Variants in ST6GALNAC5 observed in about 807,000 individuals in gnomAD.
ST6GALNAC5 encodes the protein ST6 N-acetylgalactosaminide alpha-2,6-sialyltransferase 5.
A neutral mutation model predicts 33.6 loss-of-function variants in ST6GALNAC5; 27 were observed. That is an observed-to-expected ratio of 0.80 (90% confidence interval 0.59 to 1.11). The LOEUF is 1.11. ST6GALNAC5 is among the 50% of genes least tolerant of loss of function. The probability of loss-of-function intolerance (pLI) is 0.00; values close to 1 mark genes in which losing one functional copy is unlikely to be tolerated. For missense variants in ST6GALNAC5, 428 were observed against 454.0 expected (o/e 0.94, Z 0.52); for synonymous variants, 194 against 171.2 (o/e 1.13, Z -1.04).
chr1:76,944,863 G>T (rs950000874), intron 2 of ST6GALNAC5, among the ~76,000 whole-genome samples: 1 of 151,924 alleles, frequency 6.6e-6, no homozygotes, highest in Non-Finnish European at 1.5e-5. Context: ...TTTCTGCTCA[G>T]AATTCAACTG....
At chr1:76,875,988 G>C (rs1185076226) in intron 2 of ST6GALNAC5, among the ~76,000 whole-genome samples, 1 of 152,208 alleles carries the variant, frequency 6.6e-6, no homozygotes, top group Non-Finnish European at 1.5e-5. Context: ...TAGCTGTAAA[G>C]CAAGTGCCTT....
chr1:76,916,083 T>C (rs979927508), intron 2 of ST6GALNAC5, among the ~76,000 whole-genome samples: 3 of 152,166 alleles, frequency 2.0e-5, no homozygotes, highest in East Asian at 3.9e-4. Context: ...TTGTAGTTCA[T>C]AGTTTTTAGG....
At chr1:77,050,858 G>T (rs984792463) in intron 4 of ST6GALNAC5, among the ~76,000 whole-genome samples, 2 of 152,240 alleles carry the variant, frequency 1.3e-5, no homozygotes, top group Non-Finnish European at 2.9e-5. Flanking sequence ...ATTTTGAGGT[G>T]TCACTTTAAA....
chr1:77,023,320 A>G (rs1173283939), intron 2 of ST6GALNAC5, among the ~76,000 whole-genome samples: 1 of 152,220 alleles, frequency 6.6e-6, no homozygotes, highest in Non-Finnish European at 1.5e-5. Flanking sequence ...TTTCCATATA[A>G]CAAACTAAAA....
intron 2 of ST6GALNAC5, among the ~76,000 whole-genome samples, chr1:76,982,899 T>C (rs1649316463): frequency 6.6e-6 from 1 of 152,050 alleles, no homozygotes; most frequent in Non-Finnish European, 1.5e-5. Flanking sequence ...AGATTTCATA[T>C]CCAGCCAAAC....
chr1:76,979,849 T>C (rs1428322854), intron 2 of ST6GALNAC5, among the ~76,000 whole-genome samples: 3 of 152,056 alleles, frequency 2.0e-5, no homozygotes, highest in Admixed American at 6.6e-5. Context: ...ATCAGAGGCA[T>C]GATAATCACT....
chr1:76,951,024 G>A (rs1360841292), intron 2 of ST6GALNAC5, among the ~76,000 whole-genome samples: 2 of 152,008 alleles, frequency 1.3e-5, no homozygotes, highest in Non-Finnish European at 2.9e-5. Context: ...TGTAAACCTG[G>A]TATCTAAACT....
intron 2 of ST6GALNAC5, among the ~76,000 whole-genome samples, chr1:77,031,368 G>A (rs1250344332): frequency 6.6e-6 from 1 of 152,146 alleles, no homozygotes; most frequent in Non-Finnish European, 1.5e-5. Context: ...GCTGATGACC[G>A]TTCTTCCACT....
intron 2 of ST6GALNAC5, among the ~76,000 whole-genome samples, chr1:77,026,791 CTGAATGAATGAA>C (rs58272106): frequency 0.095 from 14,115 of 149,222 alleles, 916 homozygotes; most frequent in African/African-American, 0.18. Flanking sequence ...AGAACACTTT[CTGAATGAATGAA>C]TGAATGAATG....
chr1:76,872,813 G>A (rs910363944), intron 2 of ST6GALNAC5, among the ~76,000 whole-genome samples: 1 of 152,084 alleles, frequency 6.6e-6, no homozygotes, highest in African/African-American at 2.4e-5. Context: ...CAATGCTCAG[G>A]TATTATAAGA....
chr1:77,021,168 T>C (rs1408779994), intron 2 of ST6GALNAC5, among the ~76,000 whole-genome samples: 1 of 152,198 alleles, frequency 6.6e-6, no homozygotes, highest in Non-Finnish European at 1.5e-5. Flanking sequence ...AAACTTCAAA[T>C]CAGTCTTTTT....
intron 2 of ST6GALNAC5, among the ~76,000 whole-genome samples, chr1:76,908,100 T>C (rs910078693): frequency 6.6e-6 from 1 of 152,128 alleles, no homozygotes; most frequent in Non-Finnish European, 1.5e-5. Context: ...ATCCCACCTA[T>C]GGCTCCAAGC....
rs375092053 is a variant in ST6GALNAC5 at position 77,066,194 on chromosome 1, C to T, written c.*2988C>T. 2.6e-4 allele frequency among the ~76,000 whole-genome samples: 40 copies of T among 152,084 alleles called. No individual in the cohort carries two copies. The South Asian group carries it at 7.9e-3, about 30-fold the overall frequency. ...CTGGTGTGTACTCCTAAGGGCTACACATAAAACCTGAGCAATTCAGAGACT... is the reference window on the plus strand; with the variant it reads ...CTGGTGTGTACTCCTAAGGGCTACATATAAAACCTGAGCAATTCAGAGACT... On this transcript the variant is annotated 3_prime_UTR_variant, in exon 5 of 5. Transcript: ENST00000477717.
chr1:76,961,741 G>T (rs980085866), intron 2 of ST6GALNAC5, among the ~76,000 whole-genome samples: 1 of 152,166 alleles, frequency 6.6e-6, no homozygotes, highest in African/African-American at 2.4e-5. Context: ...CACTTCTTCA[G>T]AAAGTCTTCC....
chr1:76,896,109 C>CT (rs1384578803), intron 2 of ST6GALNAC5, among the ~76,000 whole-genome samples: 1 of 152,174 alleles, frequency 6.6e-6, no homozygotes, highest in African/African-American at 2.4e-5. Context: ...CTAATAAAGG[C>CT]TGATCTGTTA....
At chr1:76,875,047 A>T (rs1653605075) in intron 2 of ST6GALNAC5, among the ~76,000 whole-genome samples, 1 of 152,246 alleles carries the variant, frequency 6.6e-6, no homozygotes, top group South Asian at 2.1e-4. Flanking sequence ...GATAAAGGAA[A>T]AGGAAACAAA....
At chr1:76,934,203 C>G (rs1428942982) in intron 2 of ST6GALNAC5, among the ~76,000 whole-genome samples, 1 of 151,988 alleles carries the variant, frequency 6.6e-6, no homozygotes, top group Non-Finnish European at 1.5e-5. Flanking sequence ...TAGCTTTTTT[C>G]AACTCAGAAA....
intron 2 of ST6GALNAC5, among the ~76,000 whole-genome samples, chr1:76,890,217 T>G (rs752238957): frequency 1.6e-4 from 24 of 152,206 alleles, no homozygotes; most frequent in Non-Finnish European, 3.1e-4. Flanking sequence ...ATAGTATGAA[T>G]GCAAATCACA....
At chr1:76,929,697 C>T (rs1337599831) in intron 2 of ST6GALNAC5, among the ~76,000 whole-genome samples, 1 of 152,160 alleles carries the variant, frequency 6.6e-6, no homozygotes, top group African/African-American at 2.4e-5. Flanking sequence ...GGTGCTGTCA[C>T]TGTAAAATAC....
Sources: gnomAD v4.1 joint callset for allele counts (sites outside exome capture counted in the v4.1 genomes callset) on GRCh38, gnomAD v4.1.1 for gene constraint, MANE v1.5 for transcripts, NCBI Gene and HGNC (gene_info 2026-07-23, HGNC 2026-07-21) for gene names.